Variants in PRDM16 observed in about 807,000 individuals in gnomAD.
PRDM16 encodes histone-lysine N-methyltransferase PRDM16.
In PRDM16, 23 loss-of-function variants were observed where a neutral mutation model predicts 110.6. The observed-to-expected ratio is 0.21, with a 90% CI of 0.15 to 0.29. The LOEUF (loss-of-function observed/expected upper bound fraction) is 0.29. Among genes scored for constraint, PRDM16 ranks in the 10% least tolerant of loss-of-function variants. PRDM16 has a pLI of 1.00. For synonymous variants in PRDM16, 799 were observed against 781.8 expected (o/e 1.02, Z -0.37); for missense variants, 1,615 against 1,794.3 (o/e 0.90, Z 1.81).
At chr1:3,368,187 G>GC (rs1642848757) in intron 3 of PRDM16, among the ~76,000 whole-genome samples, 1 of 152,190 alleles carries the variant, frequency 6.6e-6, no homozygotes, top group Admixed American at 6.5e-5. Flanking sequence ...AGAGCCACCC[G>GC]CCCGTGGCTG....
chr1:3,138,683 A>G (rs1177696227), intron 1 of PRDM16, among the ~76,000 whole-genome samples: 1 of 152,194 alleles, frequency 6.6e-6, no homozygotes, highest in Non-Finnish European at 1.5e-5. Flanking sequence ...GAGTGGGGCA[A>G]GACAGCGTTC....
intron 1 of PRDM16, among the ~76,000 whole-genome samples, chr1:3,098,985 G>A (rs1642470921): frequency 6.6e-6 from 1 of 152,238 alleles, no homozygotes; most frequent in Non-Finnish European, 1.5e-5. Flanking sequence ...GCGAGAAAAG[G>A]AGCTGGTCCA....
intron 5 of PRDM16, among the ~76,000 whole-genome samples, chr1:3,398,382 T>C (rs142251458): frequency 5.9e-4 from 90 of 152,322 alleles, no homozygotes; most frequent in African/African-American, 2.0e-3. Context: ...TACTCTTTCC[T>C]GTCAAGATCA....
In PRDM16 at chr1:3,085,606, T is replaced by A. The variant is rs545345942; in HGVS notation, c.37+16310T>A. Among the ~76,000 whole-genome samples the A allele has an allele frequency of 3.3e-5, 5 of 152,216 alleles. No individual in the cohort carries two copies. The South Asian group carries it at 1.0e-3, about 32-fold the overall frequency. ...GAGCCCAGTGTGCCCATCTGCTGAG[T>A]GGGGTAATCCATCCTCGTGGGGCTG... On this transcript the variant is annotated intron_variant, in intron 1 of 16. Coordinates refer to ENST00000270722, the MANE Select transcript of PRDM16 (RefSeq NM_022114.4).
intron 8 of PRDM16, among the ~76,000 whole-genome samples, chr1:3,407,250 C>T (rs528865858): frequency 3.3e-4 from 50 of 152,344 alleles, no homozygotes; most frequent in Admixed American, 3.0e-3. Context: ...CCCGTCCCAC[C>T]CACCTCCCAA....
chr1:3,070,116 C>T (rs959215098), intron 1 of PRDM16, among the ~76,000 whole-genome samples: 2 of 152,030 alleles, frequency 1.3e-5, no homozygotes, highest in African/African-American at 4.8e-5. Flanking sequence ...CTGCCGCCCT[C>T]GGGCCCGCGT....
chr1:3,253,329 G>GTA (rs1391958350), intron 3 of PRDM16, among the ~76,000 whole-genome samples: 1 of 149,704 alleles, frequency 6.7e-6, no homozygotes, highest in Non-Finnish European at 1.5e-5. Flanking sequence ...TTAGCATTAG[G>GTA]TATATCTCCT....
At chr1:3,344,236 G>C (rs1642322575) in intron 3 of PRDM16, among the ~76,000 whole-genome samples, 1 of 152,054 alleles carries the variant, frequency 6.6e-6, no homozygotes, top group Admixed American at 6.5e-5. Context: ...TACTTGCAAG[G>C]CTAAGATGGG....
At position 3,069,832 on chromosome 1, in the gene PRDM16, G is replaced by A. The variant is rs1641703935; in HGVS notation, c.37+536G>A. Among the ~76,000 whole-genome samples the A allele has an allele frequency of 6.6e-6, 1 of 151,956 alleles. No homozygotes were observed. The highest frequency in any genetic ancestry group is 2.4e-5 in the African/African-American group (1 of 41,392). On this transcript the variant is annotated intron_variant, in intron 1 of 16. Transcript: ENST00000270722. The surrounding 1 kb of genome is among the most constrained non-coding windows in gnomAD (Gnocchi z 6.1). ...GCCGGGCGCAGAGGAGGGAGACCCC[G>A]AGCCGGGGAGGGGCGGAGGAGGGGG...
At chr1:3,149,820 C>A (rs1257688046) in intron 1 of PRDM16, among the ~76,000 whole-genome samples, 2 of 152,238 alleles carry the variant, frequency 1.3e-5, no homozygotes, top group African/African-American at 2.4e-5. Flanking sequence ...GGGGACACAG[C>A]AATCCACCCG....
At chr1:3,091,493 G>A (rs1294704025) in intron 1 of PRDM16, among the ~76,000 whole-genome samples, 2 of 152,216 alleles carry the variant, frequency 1.3e-5, no homozygotes, top group African/African-American at 2.4e-5. Flanking sequence ...GGGTTGGGCC[G>A]AATCCACTCC....
intron 3 of PRDM16, among the ~76,000 whole-genome samples, chr1:3,301,067 A>G (rs927140276): frequency 6.6e-6 from 1 of 152,232 alleles, no homozygotes; most frequent in African/African-American, 2.4e-5. Context: ...ACAGTGGCTC[A>G]TACCTGTAAT....
chr1:3,154,039 C>T (rs1457672917), intron 1 of PRDM16, among the ~76,000 whole-genome samples: 12 of 152,188 alleles, frequency 7.9e-5, no homozygotes, highest in Admixed American at 7.9e-4. Context: ...CCAGGGACGG[C>T]GCTCCCCTTC....
Position 3,434,691 on chromosome 1 carries a change from C to G in PRDM16, c.*880C>G, listed in dbSNP as rs748193323. 2 of 232,708 alleles carry G rather than the reference C, an allele frequency of 8.6e-6. No individual in the cohort carries two copies. The highest frequency in any genetic ancestry group is 1.7e-5 in the Non-Finnish European group (2 of 117,692). The allele number at this position is 232,708 out of a possible 1,614,324, so 14.4% of individuals were successfully genotyped here. A position where few individuals can be genotyped will look rare whatever the true frequency, so the allele number is the denominator to read the frequency against. On this transcript the variant is annotated 3_prime_UTR_variant, in exon 17 of 17. Coordinates refer to ENST00000270722, the MANE Select transcript of PRDM16 (RefSeq NM_022114.4). ...GTGGCCTTCAGAGGAATCCACAGGT[C>G]CCCACCCAAGATCCCTCAATTATAT...
intron 1 of PRDM16, among the ~76,000 whole-genome samples, chr1:3,110,903 G>A (rs971695271): frequency 4.6e-5 from 7 of 152,310 alleles, no homozygotes; most frequent in Admixed American, 2.0e-4. Flanking sequence ...GCCGCCTGAT[G>A]CCCCGGGGTG....
At chr1:3,071,010 C>T (rs1641744463) in intron 1 of PRDM16, among the ~76,000 whole-genome samples, 1 of 152,256 alleles carries the variant, frequency 6.6e-6, no homozygotes, top group Non-Finnish European at 1.5e-5. Flanking sequence ...GTTGCGGGCC[C>T]TCCGCGCGTG....
intron 1 of PRDM16, among the ~76,000 whole-genome samples, chr1:3,086,128 C>T (rs1570224853): frequency 6.6e-6 from 1 of 151,868 alleles, no homozygotes; most frequent in Admixed American, 6.5e-5. Flanking sequence ...TGCAAGGTCT[C>T]TGTCTACACA....
intron 1 of PRDM16, among the ~76,000 whole-genome samples, chr1:3,122,208 G>C (rs902600858): frequency 6.6e-6 from 1 of 152,212 alleles, no homozygotes; most frequent in African/African-American, 2.4e-5. Context: ...GGCCTCCCGT[G>C]CAGTGCTGGG....
intron 1 of PRDM16, among the ~76,000 whole-genome samples, chr1:3,145,941 G>A (rs1039513325): frequency 5.3e-4 from 80 of 152,276 alleles, no homozygotes; most frequent in African/African-American, 1.6e-3. Context: ...GGCGCCCCCC[G>A]GGTCACAGAA....
Sources: allele counts gnomAD v4.1 joint callset (sites outside exome capture counted in the v4.1 genomes callset), GRCh38; gene constraint gnomAD v4.1.1; non-coding constraint Gnocchi (gnomAD v3.1); transcripts MANE v1.5; gene names NCBI Gene and HGNC (gene_info 2026-07-23, HGNC 2026-07-21).